Variants in SND1 observed in about 807,000 individuals in gnomAD.
SND1 encodes staphylococcal nuclease domain-containing protein 1.
A neutral mutation model predicts 121.7 loss-of-function variants in SND1; 38 were observed. That is an observed-to-expected ratio of 0.31 (90% CI 0.24 to 0.41). SND1 has a LOEUF of 0.41. Ranked by LOEUF, SND1 falls within the 10% of genes least tolerant of loss-of-function variation. The pLI, the probability that SND1 is intolerant of heterozygous loss-of-function variation, is 1.00. For missense variants in SND1, 868 were observed against 1,184.6 expected, an observed-to-expected ratio of 0.73 and a Z score of 3.92; for synonymous variants, 401 against 447.4, an observed-to-expected ratio of 0.90 and a Z score of 1.31.
intron 15 of SND1, among the ~76,000 whole-genome samples, chr7:127,954,313 T>G (rs2116859913): frequency 6.6e-6 from 1 of 152,272 alleles, no homozygotes; most frequent in African/African-American, 2.4e-5. Flanking sequence ...ATATCTATCT[T>G]TACTCCCCCC....
Position 128,028,642 on chromosome 7 carries a change from T to C in SND1, c.1779+37586T>C, listed in dbSNP as rs915057546. 4 of 1,573,594 alleles carry C rather than the reference T, an allele frequency of 2.5e-6. No homozygotes were observed. The African/African-American group carries it at 5.4e-5, about 21-fold the overall frequency. Reference sequence around the variant, plus strand: ...ACAAAAGTTGCTGTCTTTGTGTGCATTCTATTGCATTTTATAAGTTTTTTG... The same window carrying C: ...ACAAAAGTTGCTGTCTTTGTGTGCACTCTATTGCATTTTATAAGTTTTTTG... On this transcript the variant is annotated intron_variant, in intron 16 of 23. Coordinates refer to ENST00000354725, the MANE Select transcript of SND1 (RefSeq NM_014390.4).
At chr7:127,933,800 A>G (rs1457947832) in intron 15 of SND1, among the ~76,000 whole-genome samples, 1 of 152,174 alleles carries the variant, frequency 6.6e-6, no homozygotes, top group African/African-American at 2.4e-5. Flanking sequence ...AGAAATTGTG[A>G]CCTACCCATT....
chr7:127,695,866 A>G (rs1460057706), intron 3 of SND1, among the ~76,000 whole-genome samples: 3 of 152,044 alleles, frequency 2.0e-5, no homozygotes, highest in Non-Finnish European at 4.4e-5. Flanking sequence ...CTCACTCTGG[A>G]TATTTGTGTG....
chr7:127,845,854 T>A (rs181281038), intron 12 of SND1, among the ~76,000 whole-genome samples: 1 of 152,358 alleles, frequency 6.6e-6, no homozygotes, highest in Admixed American at 6.5e-5. Flanking sequence ...TTACACTGCT[T>A]AAAATGAGAT....
At chr7:127,844,722 C>T (rs911816740) in intron 12 of SND1, among the ~76,000 whole-genome samples, 1 of 152,042 alleles carries the variant, frequency 6.6e-6, no homozygotes, top group Non-Finnish European at 1.5e-5. Context: ...TCAAGCAGGC[C>T]CTAGATACTG....
At chr7:127,978,377 G>A (rs1293181077) in intron 15 of SND1, among the ~76,000 whole-genome samples, 3 of 152,204 alleles carry the variant, frequency 2.0e-5, no homozygotes, top group East Asian at 1.9e-4. Context: ...CACAAGAAAT[G>A]TAATGGTGAG....
chr7:127,961,027 C>A (rs1254688439), intron 15 of SND1, among the ~76,000 whole-genome samples: 1 of 152,146 alleles, frequency 6.6e-6, no homozygotes, highest in Admixed American at 6.5e-5. Flanking sequence ...TGCCTCAAAC[C>A]CTAACAAAGT....
chr7:127,862,126 C>T (rs1051219291), intron 12 of SND1, among the ~76,000 whole-genome samples: 1 of 152,164 alleles, frequency 6.6e-6, no homozygotes, highest in Non-Finnish European at 1.5e-5. Context: ...ATGGCAGCTT[C>T]AAAAGCAGGA....
At chr7:128,069,324 G>A (rs1793369176) in intron 16 of SND1, among the ~76,000 whole-genome samples, 1 of 152,120 alleles carries the variant, frequency 6.6e-6, no homozygotes, top group Non-Finnish European at 1.5e-5. Flanking sequence ...ATCCCACCAG[G>A]GCATCACTGG....
At chr7:127,873,766 A>T (rs1386131710) in intron 12 of SND1, among the ~76,000 whole-genome samples, 1 of 152,146 alleles carries the variant, frequency 6.6e-6, no homozygotes, top group African/African-American at 2.4e-5. Flanking sequence ...CCACAACAGC[A>T]TCCCAAGTAG....
At chr7:127,895,215 G>A (rs1294774302) in intron 13 of SND1, among the ~76,000 whole-genome samples, 1 of 151,958 alleles carries the variant, frequency 6.6e-6, no homozygotes, top group East Asian at 1.9e-4. Context: ...CCTCAACAAG[G>A]GAAAATTCTT....
chr7:128,060,746 A>G (rs1385514816), intron 16 of SND1, among the ~76,000 whole-genome samples: 2 of 152,210 alleles, frequency 1.3e-5, no homozygotes, highest in South Asian at 2.1e-4. Context: ...CAAGAAGTCC[A>G]TGGTGGGAAG....
intron 13 of SND1, among the ~76,000 whole-genome samples, chr7:127,889,623 G>C (rs772068634): frequency 7.1e-6 from 1 of 141,560 alleles, no homozygotes; most frequent in Non-Finnish European, 1.6e-5. Flanking sequence ...ATTCTTTCAA[G>C]CTATTTTTTT....
At chr7:127,762,849 A>T (rs1298815337) in intron 10 of SND1, among the ~76,000 whole-genome samples, 1 of 152,240 alleles carries the variant, frequency 6.6e-6, no homozygotes, top group Non-Finnish European at 1.5e-5. Context: ...TTGTAAAAGA[A>T]ATTGTATATG....
chr7:127,962,470 T>A lies in SND1; in HGVS notation c.1670-28477T>A, dbSNP rs566519123. On this transcript the variant is annotated intron_variant, in intron 15 of 23. Transcript: ENST00000354725. Reference sequence around the variant, plus strand: ...TGAAGAAGAAAACTGAAGAGTGTATTTCCCCCAAATGGCAAAGCGTAGGCT... The same window carrying A: ...TGAAGAAGAAAACTGAAGAGTGTATATCCCCCAAATGGCAAAGCGTAGGCT... 3.3e-5 allele frequency among the ~76,000 whole-genome samples: 5 copies of A among 152,318 alleles called. No homozygotes were observed. In the East Asian group the frequency reaches 9.6e-4, roughly 29 times the overall value.
chr7:127,848,733 G>A (rs1039544961), intron 12 of SND1, among the ~76,000 whole-genome samples: 1 of 152,154 alleles, frequency 6.6e-6, no homozygotes, highest in Admixed American at 6.6e-5. Flanking sequence ...AGAAGAAAGA[G>A]GCAGATGAGA....
chr7:127,722,797 A>T (rs1312721020), intron 10 of SND1, among the ~76,000 whole-genome samples: 1 of 152,196 alleles, frequency 6.6e-6, no homozygotes, highest in Admixed American at 6.5e-5. Flanking sequence ...CTGGCCAATC[A>T]GTTCTTTCTC....
intron 15 of SND1, among the ~76,000 whole-genome samples, chr7:127,937,750 A>G (rs1801093125): frequency 6.6e-6 from 1 of 152,224 alleles, no homozygotes; most frequent in Non-Finnish European, 1.5e-5. Context: ...TTCTAATGAG[A>G]GGAGGGAAGG....
chr7:127,786,797 C>T (rs932475985), intron 10 of SND1, among the ~76,000 whole-genome samples: 5 of 152,264 alleles, frequency 3.3e-5, no homozygotes, highest in African/African-American at 4.8e-5. Context: ...GCGCGCGCCA[C>T]CATGCCCGGC....
Sources: allele counts gnomAD v4.1 joint callset (sites outside exome capture counted in the v4.1 genomes callset), GRCh38; gene constraint gnomAD v4.1.1; transcripts MANE v1.5; gene names NCBI Gene and HGNC (gene_info 2026-07-23, HGNC 2026-07-21).